MEIS2: variants seen among roughly 807,000 people sequenced by gnomAD.
MEIS2 encodes Meis homeobox 2, also known as homeobox protein Meis2.
A neutral mutation model predicts 58.6 loss-of-function variants in MEIS2; 9 were observed. The ratio of observed to expected loss-of-function variants is 0.15; its 90% CI spans 0.09 to 0.27. The LOEUF (loss-of-function observed/expected upper bound fraction) is 0.27, where lower values mean the gene tolerates loss of function less well. MEIS2 is among the 10% of genes least tolerant of loss of function. The pLI, the probability that MEIS2 is intolerant of heterozygous loss-of-function variation, is 1.00. For missense variants in MEIS2, 427 were observed against 635.0 expected (o/e 0.67, Z 3.52); for synonymous variants, 221 against 228.4 (o/e 0.97, Z 0.29).
At chr15:37,058,389 A>G (rs1186274696) in intron 7 of MEIS2, among the ~76,000 whole-genome samples, 1 of 152,222 alleles carries the variant, frequency 6.6e-6, no homozygotes, top group African/African-American at 2.4e-5. Context: ...TTATCGTCTG[A>G]TACTACAGTC....
chr15:37,095,717 A>C, intron 3 of MEIS2, 103 bp from the exon 4 acceptor site: 1 of 1,549,358 alleles, frequency 6.5e-7, no homozygotes, highest in Non-Finnish European at 8.8e-7. Context: ...AGAAGAGGAA[A>C]GGGGCTTTGG....
In MEIS2 at chr15:36,892,166, C is replaced by T. The variant is rs765414608; in HGVS notation, c.*7G>A. Reference sequence around the variant, plus strand: ...GTGTGTTTCCTTTTCCCTTGAGTTCCCTTATACTATTGGGCATGAATGTCC... The same window carrying T: ...GTGTGTTTCCTTTTCCCTTGAGTTCTCTTATACTATTGGGCATGAATGTCC... On this transcript the variant is annotated 3_prime_UTR_variant, in exon 12 of 12. Transcript: ENST00000561208. 1.9e-6 allele frequency: 3 copies of T among 1,613,896 alleles called. No individual in the cohort carries two copies. The South Asian group carries it at 3.3e-5, about 18-fold the overall frequency.
intron 9 of MEIS2, among the ~76,000 whole-genome samples, chr15:36,909,851 G>A (rs1366151765): frequency 6.6e-6 from 1 of 151,300 alleles, no homozygotes; most frequent in Middle Eastern, 3.4e-3. Context: ...TGTGTGTGTG[G>A]GGGTGGGGGT....
rs753115894 is a variant in MEIS2, at chr15:36,892,273, G to A, written c.1334C>T (p.Pro445Leu). ...HPAMMMHGGP[P>L]THPGMTMSAQ... ...TGACATAGTCATTCCAGGGTGGGTA[G>A]GGGGTCCTCCGTGCATCATCATGGC... is the stretch of plus-strand genomic sequence containing the variant. Residue 445 changes from proline (P) to leucine (L), a missense_variant, in exon 12 of 12, where the codon CCT becomes CTT. Physicochemically the swap from Pro to Leu is moderately conservative, Grantham distance 98 (BLOSUM62 -3). Transcript: ENST00000561208. 4.3e-6 allele frequency: 7 copies of A among 1,613,996 alleles called. No homozygotes were observed. The South Asian group carries it at 7.7e-5, about 18-fold the overall frequency.
chr15:37,075,844 G>T (rs1042632330), intron 7 of MEIS2, among the ~76,000 whole-genome samples: 1 of 151,894 alleles, frequency 6.6e-6, no homozygotes, highest in Non-Finnish European at 1.5e-5. Context: ...TCATCTGTAC[G>T]AATTTCCAAG....
At chr15:36,910,642 A>T (rs571857890) in intron 9 of MEIS2, among the ~76,000 whole-genome samples, 2 of 152,232 alleles carry the variant, frequency 1.3e-5, no homozygotes, top group Non-Finnish European at 2.9e-5. Flanking sequence ...ATGAAGAACC[A>T]CTTGTAGGGC....
intron 8 of MEIS2, among the ~76,000 whole-genome samples, chr15:36,957,060 G>C (rs972621056): frequency 3.3e-5 from 5 of 152,146 alleles, no homozygotes; most frequent in Non-Finnish European, 7.4e-5. Context: ...GTTTATCAGA[G>C]TAGTGATCCC....
chr15:37,013,620 T>A (rs534765551), intron 8 of MEIS2, among the ~76,000 whole-genome samples: 3 of 148,226 alleles, frequency 2.0e-5, no homozygotes, highest in African/African-American at 7.3e-5. Flanking sequence ...ATATTACATA[T>A]ATATATAATA....
rs202111104 is a variant in MEIS2 at position 36,907,056 on chromosome 15, G to GT, written c.978-10371dup. On this transcript the variant is annotated intron_variant, in intron 9 of 11. Transcript: ENST00000561208. ...ACGTTCCACTCCTTACTTAACGAAA[G>GT]TAAGTTTAGTAATGGAACTTATCAG... Among the ~76,000 whole-genome samples the GT allele has an allele frequency of 6.9e-3, 1,043 of 152,258 alleles. 9 individuals carry two copies. Among genetic ancestry groups the GT allele is most frequent in the African/African-American group, 0.024 (994 of 41,548 alleles).
At chr15:36,940,020 G>A (rs1408101415) in intron 9 of MEIS2, among the ~76,000 whole-genome samples, 1 of 152,168 alleles carries the variant, frequency 6.6e-6, no homozygotes, top group East Asian at 1.9e-4. Context: ...CATAGTAACA[G>A]ATGCTCAAAT....
chr15:36,996,056 T>A (rs71403539), intron 8 of MEIS2, among the ~76,000 whole-genome samples: 1 of 101,028 alleles, frequency 9.9e-6, no homozygotes. Context: ...CATATATATA[T>A]ACACACACAT....
chr15:36,940,394 C>T (rs947113576), intron 9 of MEIS2, among the ~76,000 whole-genome samples: 1 of 152,052 alleles, frequency 6.6e-6, no homozygotes, highest in African/African-American at 2.4e-5. Context: ...GGAGACATGA[C>T]CTCCCTTGCC....
At position 36,991,771 on chromosome 15, in the gene MEIS2, CTTTTTTTTTTTCTT is replaced by C. The variant is rs1242919598; in HGVS notation, c.901-41385_901-41372del. Among the ~76,000 whole-genome samples the C allele has an allele frequency of 8.3e-5, 9 of 108,626 alleles. No homozygotes were observed. In the South Asian group the frequency reaches 9.3e-4, roughly 11 times the overall value. The allele number at this position is 108,626 out of a possible 152,430, so 71.3% of individuals were successfully genotyped here. ...AAGTACATATTAAAGTGTTAATTTTCTTTTTTTTTTTCTTTTTTTTTTTTTTTTTTTTTTGAGAC... is the reference window on the plus strand; with the variant it reads ...AAGTACATATTAAAGTGTTAATTTTCTTTTTTTTTTTTTTTTTTTTGAGAC... On this transcript the variant is annotated intron_variant, in intron 8 of 11. Coordinates refer to ENST00000561208, the MANE Select transcript of MEIS2 (RefSeq NM_170675.5).
intron 7 of MEIS2, among the ~76,000 whole-genome samples, chr15:37,048,836 GTAT>G (rs1567225999): frequency 1.3e-5 from 2 of 151,614 alleles, no homozygotes. Context: ...ATGAACAATA[GTAT>G]TATGGAGTTG....
At chr15:36,975,227 A>C (rs1414245344) in intron 8 of MEIS2, among the ~76,000 whole-genome samples, 3 of 152,194 alleles carry the variant, frequency 2.0e-5, no homozygotes, top group African/African-American at 7.2e-5. Context: ...TTATTTATGC[A>C]AGCAAAAATG....
At chr15:36,960,921 A>G (rs2059157923) in intron 8 of MEIS2, among the ~76,000 whole-genome samples, 1 of 152,146 alleles carries the variant, frequency 6.6e-6, no homozygotes, top group African/African-American at 2.4e-5. Context: ...ATAATAACCA[A>G]CCATAATAAG....
intron 7 of MEIS2, among the ~76,000 whole-genome samples, chr15:37,075,160 T>C (rs1891235787): frequency 6.6e-6 from 1 of 151,982 alleles, no homozygotes; most frequent in African/African-American, 2.4e-5. Context: ...CAAGCAATTT[T>C]CCACTATTAG....
At chr15:37,026,597 T>C (rs1357125777) in intron 8 of MEIS2, among the ~76,000 whole-genome samples, 1 of 152,170 alleles carries the variant, frequency 6.6e-6, no homozygotes, top group African/African-American at 2.4e-5. Context: ...TATCTGGCTA[T>C]GTCAGGCAAA....
chr15:36,963,309 C>T (rs1245030265), intron 8 of MEIS2, among the ~76,000 whole-genome samples: 2 of 151,116 alleles, frequency 1.3e-5, no homozygotes, highest in African/African-American at 2.4e-5. Flanking sequence ...GAACCTGGGA[C>T]GCAGAGTTTG....
Sources: gnomAD v4.1 joint callset for allele counts (sites outside exome capture counted in the v4.1 genomes callset) on GRCh38, gnomAD v4.1.1 for gene constraint, MANE v1.5 for transcripts, NCBI Gene and HGNC (gene_info 2026-07-23, HGNC 2026-07-21) for gene names.